Variants in AJAP1 observed in about 807,000 individuals in gnomAD.
AJAP1 encodes adherens junctions associated protein 1.
AJAP1 carries 5 observed loss-of-function variants against 35.0 expected under a neutral mutation model. That is an observed-to-expected ratio of 0.14 (90% confidence interval 0.07 to 0.30). The LOEUF (loss-of-function observed/expected upper bound fraction) is 0.30, where lower values mean the gene tolerates loss of function less well. Ranked by LOEUF, AJAP1 falls within the 10% of genes least tolerant of loss-of-function variation. The probability of loss-of-function intolerance (pLI) is 1.00; values close to 1 mark genes in which losing one functional copy is unlikely to be tolerated. For synonymous variants in AJAP1, 284 were observed against 249.3 expected, an observed-to-expected ratio of 1.14 and a Z score of -1.31; for missense variants, 586 against 571.0, an observed-to-expected ratio of 1.03 and a Z score of -0.27.
At chr1:4,756,347 C>A (rs1196152353) in intron 2 of AJAP1, among the ~76,000 whole-genome samples, 1 of 152,196 alleles carries the variant, frequency 6.6e-6, no homozygotes, top group African/African-American at 2.4e-5. Context: ...AGCCCAGGAC[C>A]AGTGCTCAGG....
rs76277841 is a variant in AJAP1, at chr1:4,655,077, C to G, written c.-349C>G. On this transcript the variant is annotated 5_prime_UTR_variant, in exon 1 of 6. Coordinates refer to ENST00000378191, the MANE Select transcript of AJAP1 (RefSeq NM_018836.4). The surrounding 1 kb of genome is among the most constrained non-coding windows in gnomAD (Gnocchi z 6.9). ...CCCGGAGGGCGAAGCCGCGGCTCCC[C>G]AGCCCTTTGCTGCGCCGCGACAGCG... 25,564 of 150,524 alleles carry G rather than the reference C, an allele frequency of 0.17. 2,750 individuals are homozygous for G. Among genetic ancestry groups the G allele is most frequent in the East Asian group, 0.31 (1,568 of 5,046 alleles). 9.3% of individuals were successfully genotyped at this position (150,524 alleles called of 1,614,324 possible).
intron 5 of AJAP1, among the ~76,000 whole-genome samples, chr1:4,781,372 A>G (rs1210039208): frequency 6.6e-6 from 1 of 152,112 alleles, no homozygotes; most frequent in Non-Finnish European, 1.5e-5. Context: ...ACGTTCACAA[A>G]CACTACCCCG....
Position 4,735,365 on chromosome 1 carries a change from G to T in AJAP1, c.829+22666G>T, listed in dbSNP as rs1640896433. ...GAGGGAGGGTGCGATGTGCATCAGT[G>T]GGGTGAGAACGCCTATTGGGAGAGG... On this transcript the variant is annotated intron_variant, in intron 2 of 5. Transcript: ENST00000378191. Among the ~76,000 whole-genome samples the T allele has an allele frequency of 2.6e-5, 4 of 152,184 alleles. No individual in the cohort carries two copies. In the South Asian group the frequency reaches 8.3e-4, roughly 31 times the overall value.
intron 1 of AJAP1, among the ~76,000 whole-genome samples, chr1:4,667,889 T>C (rs1639167249): frequency 6.6e-6 from 1 of 151,978 alleles, no homozygotes; most frequent in South Asian, 2.1e-4. Flanking sequence ...GGGGAAGACG[T>C]TTGGGGAAGT....
At chr1:4,776,062 A>G (rs1365207000) in intron 5 of AJAP1, among the ~76,000 whole-genome samples, 3 of 152,200 alleles carry the variant, frequency 2.0e-5, no homozygotes, top group African/African-American at 7.2e-5. Flanking sequence ...GGGAGATGCA[A>G]GGCCTTAGAG....
chr1:4,687,655 C>T (rs1639637840), intron 1 of AJAP1, among the ~76,000 whole-genome samples: 1 of 152,206 alleles, frequency 6.6e-6, no homozygotes, highest in South Asian at 2.1e-4. Flanking sequence ...CGAGCCACAG[C>T]TGTTCAGTGC....
intron 2 of AJAP1, among the ~76,000 whole-genome samples, chr1:4,765,358 C>G (rs1463815177): frequency 6.6e-6 from 1 of 152,168 alleles, no homozygotes; most frequent in African/African-American, 2.4e-5. Flanking sequence ...GACATGGAAA[C>G]TTTTCCAGGA....
chr1:4,654,909 G>T lies in AJAP1; in HGVS notation c.-517G>T. On this transcript the variant is annotated 5_prime_UTR_variant, in exon 1 of 6. Transcript: ENST00000378191. The surrounding 1 kb of genome is among the most constrained non-coding windows in gnomAD (Gnocchi z 5.1). ...GCCCCCCGACCCGGCAGCGCGGAGG[G>T]GACTCGCGTCCGTCCGCGTCGCGTC... The T allele has an allele frequency of 6.7e-6, 1 of 150,016 alleles. No individual in the cohort carries two copies. Among genetic ancestry groups the T allele is most frequent in the Non-Finnish European group, 1.5e-5 (1 of 67,150 alleles). The allele number at this position is 150,016 out of a possible 1,614,324, so 9.3% of individuals were successfully genotyped here.
intron 1 of AJAP1, among the ~76,000 whole-genome samples, chr1:4,708,528 G>T (rs1241875480): frequency 6.6e-6 from 1 of 152,224 alleles, no homozygotes; most frequent in Non-Finnish European, 1.5e-5. Context: ...CCCAGGCTGA[G>T]CAGGATCAGT....
chr1:4,760,164 G>T (rs1641530487), intron 2 of AJAP1, among the ~76,000 whole-genome samples: 1 of 152,094 alleles, frequency 6.6e-6, no homozygotes. Context: ...AAAAATTCAG[G>T]CCGTGTGTGA....
chr1:4,752,441 A>G (rs2100334463), intron 2 of AJAP1, among the ~76,000 whole-genome samples: 1 of 152,312 alleles, frequency 6.6e-6, no homozygotes, highest in East Asian at 1.9e-4. Context: ...TGGCCCAGGA[A>G]GAATGCCCAT....
chr1:4,761,439 G>A (rs938088420), intron 2 of AJAP1, among the ~76,000 whole-genome samples: 7 of 152,216 alleles, frequency 4.6e-5, no homozygotes, highest in African/African-American at 1.7e-4. Flanking sequence ...CCTAGGGTCA[G>A]GGGACATGAG....
In AJAP1 at chr1:4,774,591, G is replaced by A. The variant is rs139131199; in HGVS notation, c.*59+33G>A. 8.4e-5 allele frequency: 112 copies of A among 1,328,846 alleles called. No individual in the cohort carries two copies. In the East Asian group the frequency reaches 2.3e-3, roughly 27 times the overall value. 82.3% of individuals were successfully genotyped at this position (1,328,846 alleles called of 1,614,324 possible). A position where few individuals can be genotyped will look rare whatever the true frequency, so the allele number is the denominator to read the frequency against. ...CCTCTCTTTGGACATTCCTGTTTTC[G>A]TTCCCTTTCCTCCCCTCCCCACTGC... On this transcript the variant is annotated intron_variant, in intron 5 of 5. Coordinates refer to ENST00000378191, the MANE Select transcript of AJAP1 (RefSeq NM_018836.4).
intron 1 of AJAP1, among the ~76,000 whole-genome samples, chr1:4,678,404 G>A (rs1478994974): frequency 4.6e-5 from 7 of 152,206 alleles, no homozygotes; most frequent in Non-Finnish European, 1.0e-4. Flanking sequence ...CCCTGTGCAA[G>A]GCTGAAACCA....
rs575313003 is a variant in AJAP1, at chr1:4,760,783, G to A, written c.830-9070G>A. ...GGGCGAATATGCAGGCTTGGCCTTC[G>A]CCAAGGCGTGTGGCCACACCATGGA... On this transcript the variant is annotated intron_variant, in intron 2 of 5. Coordinates refer to ENST00000378191, the MANE Select transcript of AJAP1 (RefSeq NM_018836.4). 2.6e-5 allele frequency among the ~76,000 whole-genome samples: 4 copies of A among 152,202 alleles called. No homozygotes were observed. In the East Asian group the frequency reaches 5.8e-4, roughly 22 times the overall value.
intron 2 of AJAP1, 145 bp downstream of exon 2, chr1:4,712,844 A>T: frequency 1.2e-6 from 1 of 812,018 alleles, no homozygotes; most frequent in Non-Finnish European, 1.8e-6. Flanking sequence ...GAGCTTGCAC[A>T]TGCCTGTAGA....
chr1:4,701,076 C>T (rs182034056), intron 1 of AJAP1, among the ~76,000 whole-genome samples: 11 of 152,378 alleles, frequency 7.2e-5, no homozygotes, highest in African/African-American at 1.9e-4. Flanking sequence ...GCAACCAGAA[C>T]GCCAGCGCCG....
At chr1:4,705,441 C>T (rs1640081750) in intron 1 of AJAP1, among the ~76,000 whole-genome samples, 1 of 121,546 alleles carries the variant, frequency 8.2e-6, no homozygotes, top group Non-Finnish European at 1.7e-5. Context: ...ATGAGTACTC[C>T]TCCCCCTCCA....
At chr1:4,739,799 C>G (rs1641015695) in intron 2 of AJAP1, among the ~76,000 whole-genome samples, 1 of 152,150 alleles carries the variant, frequency 6.6e-6, no homozygotes, top group African/African-American at 2.4e-5. Flanking sequence ...GCCCTCACTT[C>G]AACGTTGAAT....
Sources: allele counts gnomAD v4.1 joint callset (sites outside exome capture counted in the v4.1 genomes callset), GRCh38; gene constraint gnomAD v4.1.1; non-coding constraint Gnocchi (gnomAD v3.1); transcripts MANE v1.5; gene names NCBI Gene and HGNC (gene_info 2026-07-23, HGNC 2026-07-21).